The following RELN variants were observed in gnomAD, a reference collection of about 807,000 sequenced individuals.
RELN encodes reelin.
Under a neutral mutation model 427.6 loss-of-function variants are expected in RELN, and 108 were observed. The observed-to-expected ratio is 0.25, with a 90% confidence interval of 0.22 to 0.30. The LOEUF (loss-of-function observed/expected upper bound fraction) is 0.30, where lower values mean the gene tolerates loss of function less well. Among genes scored for constraint, RELN ranks in the 10% least tolerant of loss-of-function variants. RELN has a pLI of 1.00. For missense variants in RELN, 3,715 were observed against 4,302.8 expected, an observed-to-expected ratio of 0.86 and a Z score of 3.82; for synonymous variants, 1,524 against 1,513.4, an observed-to-expected ratio of 1.01 and a Z score of -0.16.
At chr7:103,723,589 G>A (rs1195223100) in intron 7 of RELN, among the ~76,000 whole-genome samples, 1 of 152,070 alleles carries the variant, frequency 6.6e-6, no homozygotes, top group Non-Finnish European at 1.5e-5. Flanking sequence ...AAGGGCTACC[G>A]AACAAAAATT....
chr7:103,733,797 G>A (rs527820516), intron 6 of RELN, among the ~76,000 whole-genome samples: 63 of 151,090 alleles, frequency 4.2e-4, no homozygotes, highest in Non-Finnish European at 7.8e-4. Context: ...TTGTGGGGTG[G>A]GGGGAGTGGG....
chr7:103,871,237 T>C (rs980002558), intron 2 of RELN, among the ~76,000 whole-genome samples: 5 of 141,108 alleles, frequency 3.5e-5, no homozygotes, highest in Admixed American at 2.2e-4. Context: ...TCTATTTATT[T>C]TTTATTCTTT....
chr7:103,630,042 T>C lies in RELN; in HGVS notation c.2600A>G (p.Asn867Ser). The C allele has an allele frequency of 6.2e-7, 1 of 1,613,740 alleles. No individual in the cohort carries two copies. Among genetic ancestry groups the C allele is most frequent in the Non-Finnish European group, 8.5e-7 (1 of 1,179,684 alleles). The change falls in exon 20 of 65, where the codon AAC (asparagine) becomes AGC (serine). Residue 867 changes from asparagine (N) to serine (S), a missense_variant. Physicochemically the swap from Asn to Ser is conservative, Grantham distance 46. Around this residue, in one of 4 missense-constraint regions of RELN, gnomAD observed 2,208 missense variants for 2,361.7 expected, o/e 0.93. Transcript: ENST00000428762. ...ATTGGTAAAGTCAAGACTAATGCTG[T>C]TGAAAAGCACAGATGTCATGATAAT... ...DEIIMTSVLF[N>S]SISLDFTNLV...
chr7:103,875,488 A>C (rs1794457387), intron 2 of RELN, among the ~76,000 whole-genome samples: 1 of 152,184 alleles, frequency 6.6e-6, no homozygotes, highest in Non-Finnish European at 1.5e-5. Context: ...ACATCTTAAC[A>C]GACTACATTT....
intron 1 of RELN, among the ~76,000 whole-genome samples, chr7:103,976,043 A>G (rs1355436211): frequency 6.6e-6 from 1 of 152,154 alleles, no homozygotes; most frequent in Non-Finnish European, 1.5e-5. Flanking sequence ...AAGAGGCCCT[A>G]TGGTTTCAGT....
At chr7:103,483,929 G>A in intron 61 of RELN, 79 bp from the exon 62 acceptor site, 3 of 1,383,108 alleles carry the variant, frequency 2.2e-6, no homozygotes, top group South Asian at 2.5e-5. Context: ...ACCCAGGCTG[G>A]AGTACAGTGG....
intron 34 of RELN, among the ~76,000 whole-genome samples, chr7:103,565,010 A>AT (rs1289458445): frequency 6.6e-6 from 1 of 152,166 alleles, no homozygotes; most frequent in African/African-American, 2.4e-5. Flanking sequence ...GCAGAGACTT[A>AT]TTTTTACAAC....
At chr7:103,804,050 T>C (rs1208695981) in intron 3 of RELN, among the ~76,000 whole-genome samples, 3 of 152,142 alleles carry the variant, frequency 2.0e-5, no homozygotes, top group Non-Finnish European at 4.4e-5. Context: ...TCACCTTCAG[T>C]ACTGCTCAGA....
At chr7:103,551,344 C>T in intron 40 of RELN, 48 bp from the exon 41 acceptor site, 1 of 1,335,344 alleles carries the variant, frequency 7.5e-7, no homozygotes. Context: ...GAGCAACAAG[C>T]CTTGAAATGA....
chr7:103,799,451 C>T (rs982828756), intron 3 of RELN, among the ~76,000 whole-genome samples: 7 of 152,146 alleles, frequency 4.6e-5, no homozygotes, highest in Non-Finnish European at 8.8e-5. Context: ...CTTCTGTCAC[C>T]TCTCACACTT....
chr7:103,911,177 T>C (rs1584359164), intron 2 of RELN, among the ~76,000 whole-genome samples: 1 of 139,216 alleles, frequency 7.2e-6, no homozygotes, highest in Admixed American at 7.2e-5. Flanking sequence ...AACAACCCCA[T>C]CAAAAAGTGG....
At chr7:103,970,962 C>G (rs1468830361) in intron 1 of RELN, among the ~76,000 whole-genome samples, 1 of 152,056 alleles carries the variant, frequency 6.6e-6, no homozygotes, top group African/African-American at 2.4e-5. Context: ...TTGAGACCAG[C>G]CTGGCCAGCG....
intron 2 of RELN, among the ~76,000 whole-genome samples, chr7:103,906,462 A>C (rs1486498958): frequency 6.6e-6 from 1 of 152,154 alleles, no homozygotes; most frequent in African/African-American, 2.4e-5. Context: ...GAATCCCCAA[A>C]TATCTAAGCC....
intron 3 of RELN, among the ~76,000 whole-genome samples, chr7:103,814,430 G>A (rs1792819603): frequency 6.6e-6 from 1 of 152,284 alleles, no homozygotes; most frequent in Non-Finnish European, 1.5e-5. Context: ...CTTAACAAAT[G>A]CCTTTATTGG....
intron 1 of RELN, among the ~76,000 whole-genome samples, chr7:103,941,392 C>T (rs1470606762): frequency 6.6e-6 from 1 of 152,096 alleles, no homozygotes; most frequent in Non-Finnish European, 1.5e-5. Context: ...CATTTCTTTC[C>T]TCTTAAAGCA....
At chr7:103,786,403 A>T (rs1305224907) in intron 3 of RELN, among the ~76,000 whole-genome samples, 3 of 151,316 alleles carry the variant, frequency 2.0e-5, no homozygotes, top group Non-Finnish European at 4.4e-5. Flanking sequence ...TTCAAACAAG[A>T]TTTTTAAAGG....
chr7:103,540,252 C>T lies in RELN; in HGVS notation c.6875G>A (p.Arg2292His), dbSNP rs565382144. The change falls in exon 44 of 65, where the codon CGC becomes CAC. Residue 2292 changes from arginine to histidine, a missense_variant. This residue lies in a region of RELN where 1,310 missense variants were observed against 1,643.0 expected (regional missense o/e 0.80). Transcript: ENST00000428762. ...LKARSGSTRL[R>H]WWQPSENGHF... ...CCCATTCTCAGACGGTTGCCACCAG[C>T]GAAGGCGAGTAGAACCAGAACGGGC... 24 of 1,614,160 alleles carry T rather than the reference C, an allele frequency of 1.5e-5. No homozygotes were observed. Among genetic ancestry groups the T allele is most frequent in the Admixed American group, 1.3e-4 (8 of 60,024 alleles).
rs148965758 is a variant in RELN, at chr7:103,741,842, C to A, written c.656+7584G>T. ...CAAGATGGCCGAATAGGAACAGCTC[C>A]GGTCTACAGCTCCCAGCGTGAGCGA... is the stretch of plus-strand genomic sequence containing the variant. On this transcript the variant is annotated intron_variant, in intron 6 of 64. Transcript: ENST00000428762. Among the ~76,000 whole-genome samples the A allele has an allele frequency of 7.6e-4, 115 of 152,266 alleles. No individual in the cohort carries two copies. In the South Asian group the frequency reaches 0.012, roughly 16 times the overall value.
intron 28 of RELN, among the ~76,000 whole-genome samples, chr7:103,588,679 C>CA (rs1229376537): frequency 1.3e-5 from 2 of 152,128 alleles, no homozygotes; most frequent in Non-Finnish European, 2.9e-5. Flanking sequence ...AATGGCTGAG[C>CA]AATAACCAGA....
Sources: allele counts gnomAD v4.1 joint callset (sites outside exome capture counted in the v4.1 genomes callset), GRCh38; gene constraint gnomAD v4.1.1; regional missense constraint gnomAD v4.1.1; transcripts MANE v1.5; gene names NCBI Gene and HGNC (gene_info 2026-07-23, HGNC 2026-07-21).